The following TBX5 variants were observed in gnomAD, a reference collection of about 807,000 sequenced individuals.
TBX5 encodes the protein T-box transcription factor TBX5.
A neutral mutation model predicts 51.1 loss-of-function variants in TBX5; 8 were observed. The ratio of observed to expected loss-of-function variants is 0.16; its 90% confidence interval spans 0.09 to 0.28. The LOEUF (loss-of-function observed/expected upper bound fraction) is 0.28. TBX5 is among the 10% of genes least tolerant of loss of function. The pLI, the probability that TBX5 is intolerant of heterozygous loss-of-function variation, is 1.00. For synonymous variants in TBX5, 302 were observed against 266.4 expected (o/e 1.13, Z -1.30); for missense variants, 589 against 671.7 (o/e 0.88, Z 1.36).
In TBX5 at chr12:114,399,491, C is replaced by T. The variant is rs1289865985; in HGVS notation, c.362+22G>A. 2.5e-6 allele frequency: 4 copies of T among 1,613,954 alleles called. No individual in the cohort carries two copies. In the South Asian group the frequency reaches 3.3e-5, roughly 13 times the overall value. ...GTTCCACTTTTCTCTCTCCCCGCTC[C>T]ACCTGCCACCCCAGTGCCTACCATT... On this transcript the variant is annotated intron_variant, in intron 4 of 8. Coordinates refer to ENST00000405440, the MANE Select transcript of TBX5 (RefSeq NM_181486.4).
At chr12:114,405,330 G>A (rs950681208) in intron 1 of TBX5, among the ~76,000 whole-genome samples, 1 of 152,190 alleles carries the variant, frequency 6.6e-6, no homozygotes, top group Non-Finnish European at 1.5e-5. Flanking sequence ...TGCCGGCCGC[G>A]GGGAGAATCC....
At chr12:114,402,329 T>TGG (rs139434358) in intron 2 of TBX5, among the ~76,000 whole-genome samples, 1 of 150,388 alleles carries the variant, frequency 6.6e-6, no homozygotes, top group Non-Finnish European at 1.5e-5. Flanking sequence ...CTGAGATGGG[T>TGG]GGGGGGGATA....
chr12:114,360,812 T>C (rs941854035), intron 8 of TBX5, among the ~76,000 whole-genome samples: 30 of 152,134 alleles, frequency 2.0e-4, no homozygotes, highest in African/African-American at 6.7e-4. Context: ...GTTGTTTTTG[T>C]TGTTGTTGTT....
intron 7 of TBX5, among the ~76,000 whole-genome samples, chr12:114,382,405 T>C (rs1007851528): frequency 2.0e-5 from 3 of 152,212 alleles, no homozygotes; most frequent in Non-Finnish European, 4.4e-5. Flanking sequence ...GGGTAATGTC[T>C]GTAATCCCAG....
At chr12:114,378,071 C>T (rs960666544) in intron 7 of TBX5, among the ~76,000 whole-genome samples, 1 of 152,054 alleles carries the variant, frequency 6.6e-6, no homozygotes, top group Non-Finnish European at 1.5e-5. Context: ...GCCCCTGATG[C>T]CGTCTGCAGC....
At chr12:114,382,262 C>T (rs1870543214) in intron 7 of TBX5, among the ~76,000 whole-genome samples, 1 of 152,136 alleles carries the variant, frequency 6.6e-6, no homozygotes, top group Non-Finnish European at 1.5e-5. Context: ...TGCAGTGAGT[C>T]ATGATCGCAC....
intron 8 of TBX5, among the ~76,000 whole-genome samples, chr12:114,360,059 A>G (rs1052282916): frequency 1.6e-4 from 25 of 152,150 alleles, no homozygotes; most frequent in Admixed American, 1.6e-3. Context: ...TTGAGCAAAT[A>G]TTTTCACTAT....
intron 8 of TBX5, among the ~76,000 whole-genome samples, chr12:114,360,966 G>A (rs1293249474): frequency 6.6e-6 from 1 of 152,102 alleles, no homozygotes; most frequent in Non-Finnish European, 1.5e-5. Context: ...TTACTTACTG[G>A]CTTATTATAT....
intron 4 of TBX5, 61 bp from the exon 5 acceptor site, chr12:114,398,781 C>T (rs1871597553): frequency 6.4e-7 from 1 of 1,556,456 alleles, no homozygotes; most frequent in Non-Finnish European, 8.7e-7. Context: ...CGCACTGCAC[C>T]GAAGCGTGCT....
intron 8 of TBX5, among the ~76,000 whole-genome samples, chr12:114,365,472 T>C (rs1377844168): frequency 6.6e-6 from 1 of 151,992 alleles, no homozygotes; most frequent in African/African-American, 2.4e-5. Context: ...ATTCTAAAGT[T>C]TAAAAGAAAA....
intron 5 of TBX5, among the ~76,000 whole-genome samples, chr12:114,395,301 A>G (rs1871357826): frequency 6.6e-6 from 1 of 152,114 alleles, no homozygotes. Flanking sequence ...ACGGGGACAA[A>G]CAAACAACAA....
intron 8 of TBX5, among the ~76,000 whole-genome samples, chr12:114,359,144 T>C (rs1031073123): frequency 1.3e-5 from 2 of 152,160 alleles, no homozygotes; most frequent in Non-Finnish European, 2.9e-5. Context: ...ATCGTAAAAT[T>C]ATACATTCCA....
chr12:114,360,472 ATGCATGGATGGGTGGGTGGGTAGATGGG>A (rs1197369268), intron 8 of TBX5, among the ~76,000 whole-genome samples: 1 of 127,442 alleles, frequency 7.8e-6, no homozygotes, highest in East Asian at 2.7e-4. Flanking sequence ...GGGTGGATGG[ATGCATGGATGGGTGGGTGGGTAGATGGG>A]TGAATGGATG....
upstream of TBX5, among the ~76,000 whole-genome samples, chr12:114,406,358 C>A (rs1003042129): frequency 5.9e-5 from 9 of 152,162 alleles, no homozygotes; most frequent in East Asian, 9.7e-4. Flanking sequence ...TCTGAGCAAG[C>A]GGTGGCTGCA....
chr12:114,356,749 G>A (rs990231238), intron 8 of TBX5, among the ~76,000 whole-genome samples: 5 of 152,144 alleles, frequency 3.3e-5, no homozygotes, highest in African/African-American at 9.7e-5. Context: ...TGCGTAGCAC[G>A]ATTCTAAGCA....
intron 6 of TBX5, among the ~76,000 whole-genome samples, chr12:114,390,907 T>A (rs1167831562): frequency 6.6e-6 from 1 of 152,214 alleles, no homozygotes; most frequent in East Asian, 1.9e-4. Context: ...TTTTTAAATA[T>A]CTTTTTTAAG....
chr12:114,398,651 G>C lies in TBX5; in HGVS notation c.432C>G (p.Thr144=). The change falls in exon 5 of 9, where the codon ACC becomes ACG. Residue 144 remains threonine, a synonymous_variant. Coordinates refer to ENST00000405440, the MANE Select transcript of TBX5 (RefSeq NM_181486.4). ...CGAGCTGCCTCATCCAATGCGCCCCGGTGGCGGGGGAGTCTGGGTGCACGT... is the reference window on the plus strand; with the variant it reads ...CGAGCTGCCTCATCCAATGCGCCCCCGTGGCGGGGGAGTCTGGGTGCACGT... ...RLYVHPDSPA[T]GAHWMRQLVS... is the part of the protein sequence containing the mutation. The C allele has an allele frequency of 6.2e-7, 1 of 1,613,324 alleles. No homozygotes were observed. Among genetic ancestry groups the C allele is most frequent in the Admixed American group, 1.7e-5 (1 of 59,938 alleles).
At chr12:114,385,821 G>T (rs1870782794) in intron 6 of TBX5, among the ~76,000 whole-genome samples, 1 of 148,672 alleles carries the variant, frequency 6.7e-6, no homozygotes, top group South Asian at 2.1e-4. Context: ...GTCATACTCT[G>T]CATCATTCCA....
At chr12:114,383,926 G>T (rs1269902659) in intron 7 of TBX5, among the ~76,000 whole-genome samples, 1 of 152,112 alleles carries the variant, frequency 6.6e-6, no homozygotes, top group Admixed American at 6.5e-5. Context: ...ACTTTGTGTG[G>T]CAATGACTAA....
Sources: gnomAD v4.1 joint callset for allele counts (sites outside exome capture counted in the v4.1 genomes callset) on GRCh38, gnomAD v4.1.1 for gene constraint, MANE v1.5 for transcripts, NCBI Gene and HGNC (gene_info 2026-07-23, HGNC 2026-07-21) for gene names.